Variants in TOPBP1 observed in about 807,000 individuals in gnomAD.
TOPBP1 encodes DNA topoisomerase II binding protein 1, also known as DNA topoisomerase 2-binding protein 1.
In TOPBP1, 28 loss-of-function variants were observed where a neutral mutation model predicts 167.7. That is an observed-to-expected ratio of 0.17 (90% CI 0.12 to 0.23). TOPBP1 has a LOEUF of 0.23. TOPBP1 is among the 10% of genes least tolerant of loss of function. The pLI is 1.00. For synonymous variants in TOPBP1, 598 were observed against 611.4 expected, an observed-to-expected ratio of 0.98 and a Z score of 0.32; for missense variants, 1,554 against 1,809.6, an observed-to-expected ratio of 0.86 and a Z score of 2.56.
Position 133,661,053 on chromosome 3 carries a change from T to G in TOPBP1, c.75A>C (p.Lys25Asn), listed in dbSNP as rs1469319387. 6.3e-7 allele frequency: 1 copy of G among 1,585,886 alleles called. No homozygotes were observed. Among genetic ancestry groups the G allele is most frequent in the Admixed American group, 1.9e-5 (1 of 52,144 alleles). The change falls in exon 2 of 28, where the codon AAA becomes AAC. Residue 25 changes from lysine to asparagine, a missense_variant. Lys to Asn is a moderately conservative substitution (Grantham distance 94, BLOSUM62 0). Coordinates refer to ENST00000260810, the MANE Select transcript of TOPBP1 (RefSeq NM_007027.4). ...KSSDNSKCFFKALESIKEFQS... is the reference protein window; with the variant it reads ...KSSDNSKCFFNALESIKEFQS... ...TGTTTTCAACTCTTACCTCGAGAGC[T>G]TTAAAAAAACATTTGGAATTGTCTG... is the stretch of plus-strand genomic sequence containing the variant.
At chr3:133,627,713 G>A (rs1935312576) in intron 16 of TOPBP1, among the ~76,000 whole-genome samples, 1 of 152,120 alleles carries the variant, frequency 6.6e-6, no homozygotes, top group African/African-American at 2.4e-5. Flanking sequence ...AACAAAGCAA[G>A]CATTACAGCT....
At chr3:133,639,856 G>A in intron 13 of TOPBP1, 103 bp downstream of exon 13, 1 of 1,216,876 alleles carries the variant, frequency 8.2e-7, no homozygotes, top group South Asian at 1.5e-5. Context: ...AATGTGAAAA[G>A]CAAAAATCAA....
chr3:133,623,507 A>T, intron 17 of TOPBP1, 50 bp from the exon 18 acceptor site: 1 of 1,545,162 alleles, frequency 6.5e-7, no homozygotes, highest in Non-Finnish European at 8.8e-7. Context: ...ATCTTAATGA[A>T]TAGATGATGT....
intron 20 of TOPBP1, 61 bp downstream of exon 20, chr3:133,620,085 TCAGCAGCAG>T: frequency 6.9e-7 from 1 of 1,445,066 alleles, no homozygotes; most frequent in Non-Finnish European, 9.2e-7. Flanking sequence ...TGGAATTGAG[TCAGCAGCAG>T]GTACGTAAAT....
chr3:133,617,041 A>G (rs1934916118), intron 22 of TOPBP1, 116 bp from the exon 23 acceptor site: 8 of 1,347,946 alleles, frequency 5.9e-6, no homozygotes, highest in Non-Finnish European at 8.0e-6. Flanking sequence ...AAATAATGAT[A>G]CAATGCAAAA....
intron 14 of TOPBP1, 102 bp from the exon 15 acceptor site, chr3:133,628,835 T>A: frequency 1.7e-6 from 2 of 1,193,200 alleles, no homozygotes; most frequent in Non-Finnish European, 2.3e-6. Flanking sequence ...GAGAGAGGGG[T>A]AAAGAGAGAG....
intron 12 of TOPBP1, among the ~76,000 whole-genome samples, chr3:133,640,697 C>T (rs1011824944): frequency 6.6e-6 from 1 of 152,140 alleles, no homozygotes; most frequent in Non-Finnish European, 1.5e-5. Context: ...GCGTGAACCA[C>T]CTCACACAGC....
At chr3:133,644,832 G>T (rs570180691) in intron 10 of TOPBP1, among the ~76,000 whole-genome samples, 1 of 152,188 alleles carries the variant, frequency 6.6e-6, no homozygotes, top group African/African-American at 2.4e-5. Context: ...TACTCCTTTA[G>T]AGAAAAAGTT....
At chr3:133,628,802 A>G (rs1576295588) in intron 14 of TOPBP1, 69 bp from the exon 15 acceptor site, 1 of 1,475,536 alleles carries the variant, frequency 6.8e-7, no homozygotes, top group South Asian at 1.3e-5. Flanking sequence ...ATGGGTTAAT[A>G]GGACAGGAAA....
At chr3:133,606,144 C>T (rs976274348) in intron 27 of TOPBP1, among the ~76,000 whole-genome samples, 8 of 151,916 alleles carry the variant, frequency 5.3e-5, no homozygotes, top group South Asian at 2.1e-4. Context: ...GCCAAGATCA[C>T]GCCACTGCAC....
chr3:133,634,785 C>T (rs1935612304), intron 14 of TOPBP1, among the ~76,000 whole-genome samples: 2 of 152,150 alleles, frequency 1.3e-5, no homozygotes, highest in South Asian at 2.1e-4. Context: ...ATACTGTACA[C>T]GTGTGTACAC....
rs756032624 is a variant in TOPBP1, at chr3:133,637,909, C to T, written c.2487G>A (p.Lys829=). 18 of 1,613,910 alleles carry T rather than the reference C, an allele frequency of 1.1e-5. No homozygotes were observed. Among genetic ancestry groups the T allele is most frequent in the Admixed American group, 1.7e-5 (1 of 60,000 alleles). Residue 829 remains lysine (K), a synonymous_variant, in exon 14 of 28, where the codon AAG becomes AAA. Coordinates refer to ENST00000260810, the MANE Select transcript of TOPBP1 (RefSeq NM_007027.4). ...HLDTPSKFLS[K]DKLFKPSFDV... ...CAAAGGAAGGCTTGAAGAGTTTGTC[C>T]TTGGACAGGAATTTTGATGGTGTAT...
intron 8 of TOPBP1, among the ~76,000 whole-genome samples, chr3:133,651,171 C>CTTTT (rs1176625452): frequency 1.2e-5 from 1 of 82,088 alleles, no homozygotes; most frequent in Non-Finnish European, 2.2e-5. Context: ...CCGAATTTCC[C>CTTTT]TTTTTTTTTT....
At chr3:133,652,659 G>A (rs1407394232) in intron 7 of TOPBP1, 30 bp from the exon 8 acceptor site, 1 of 1,541,730 alleles carries the variant, frequency 6.5e-7, no homozygotes, top group African/African-American at 1.4e-5. Flanking sequence ...ATAAATTTAT[G>A]GGAGATAAAA....
rs1934265975 is a variant in TOPBP1 at position 133,600,861 on chromosome 3, GCTGA to G, written c.*385_*388del. On this transcript the variant is annotated 3_prime_UTR_variant, in exon 28 of 28. Coordinates refer to ENST00000260810, the MANE Select transcript of TOPBP1 (RefSeq NM_007027.4). ...AAAATCAGGGAAAACATGAATAAAT[GCTGA>G]CTGACAAATCTTGTTGTTATGAATT... 1.2e-5 allele frequency: 2 copies of G among 167,054 alleles called. No homozygotes were observed. Among genetic ancestry groups the G allele is most frequent in the African/African-American group, 2.4e-5 (1 of 41,516 alleles). The allele number at this position is 167,054 out of a possible 1,614,324, so 10.3% of individuals were successfully genotyped here. A position where few individuals can be genotyped will look rare whatever the true frequency, so the allele number is the denominator to read the frequency against.
chr3:133,614,031 T>C (rs942052223), intron 23 of TOPBP1, among the ~76,000 whole-genome samples: 3 of 151,826 alleles, frequency 2.0e-5, no homozygotes, highest in African/African-American at 7.3e-5. Context: ...GACCTCATGA[T>C]CTGCCCACCT....
Position 133,655,480 on chromosome 3 carries a change from T to A in TOPBP1, c.552A>T (p.Ile184=). The part of the protein sequence containing the change: ...TLWEKSQEKK[I]TRYTDINMED... ...CCATGTTTATATCAGTATATCTAGTTATTTTTCTGTGGGAATCAAATGGTT... is the reference window on the plus strand; with the variant it reads ...CCATGTTTATATCAGTATATCTAGTAATTTTTCTGTGGGAATCAAATGGTT... Residue 184 remains isoleucine (I), a synonymous_variant, in exon 6 of 28, where the codon ATA becomes ATT. Coordinates refer to ENST00000260810, the MANE Select transcript of TOPBP1 (RefSeq NM_007027.4). The A allele has an allele frequency of 6.8e-7, 1 of 1,463,792 alleles. No individual in the cohort carries two copies. Among genetic ancestry groups the A allele is most frequent in the Non-Finnish European group, 9.1e-7 (1 of 1,099,910 alleles). 90.7% of individuals were successfully genotyped at this position (1,463,792 alleles called of 1,614,324 possible). A position where few individuals can be genotyped will look rare whatever the true frequency, so the allele number is the denominator to read the frequency against.
In TOPBP1 at chr3:133,628,483, A is replaced by G. The variant is rs764102548; in HGVS notation, c.2695-12T>C. Reference sequence around the variant, plus strand: ...TTTGGGGCTTCTTCCTGTCCATGGAAAATAAAAGAAACAGATCAGTCATTA... The same window carrying G: ...TTTGGGGCTTCTTCCTGTCCATGGAGAATAAAAGAAACAGATCAGTCATTA... On this transcript the variant is annotated splice_polypyrimidine_tract_variant and intron_variant, in intron 15 of 27. Coordinates refer to ENST00000260810, the MANE Select transcript of TOPBP1 (RefSeq NM_007027.4). The G allele has an allele frequency of 1.2e-6, 2 of 1,607,586 alleles. No homozygotes were observed. Among genetic ancestry groups the G allele is most frequent in the African/African-American group, 1.3e-5 (1 of 75,006 alleles).
intron 22 of TOPBP1, 61 bp from the exon 23 acceptor site, chr3:133,616,986 T>C: frequency 7.9e-7 from 1 of 1,269,600 alleles, no homozygotes; most frequent in Non-Finnish European, 1.1e-6. Flanking sequence ...TACACAGTTC[T>C]TTTATAGTGG....
Sources: gnomAD v4.1 joint callset for allele counts (sites outside exome capture counted in the v4.1 genomes callset) on GRCh38, gnomAD v4.1.1 for gene constraint, MANE v1.5 for transcripts, NCBI Gene and HGNC (gene_info 2026-07-23, HGNC 2026-07-21) for gene names.